TRMT1: variants seen among roughly 807,000 people sequenced by gnomAD.
The protein encoded by TRMT1 is tRNA (guanine(26)-N(2))-dimethyltransferase.
In TRMT1, 63 loss-of-function variants were observed where a neutral mutation model predicts 75.4. That is an observed-to-expected ratio of 0.84 (90% CI 0.68 to 1.03). TRMT1 has a LOEUF of 1.03. Ranked by LOEUF, TRMT1 falls within the 50% of genes least tolerant of loss-of-function variation. The pLI is 0.00. For synonymous variants in TRMT1, 382 were observed against 358.1 expected, an observed-to-expected ratio of 1.07 and a Z score of -0.75; for missense variants, 870 against 905.3, an observed-to-expected ratio of 0.96 and a Z score of 0.50.
rs2018812618 is a variant in TRMT1, at chr19:13,105,394, C to A, written c.1706G>T (p.Gly569Val). ...WGPRPRARPG[G>V]KAADEAMEER... is the part of the protein sequence containing the mutation. ...CTCCATAGCTTCGTCGGCCGCCTTG[C>A]CCCTGTGCGAGGGGAGGAGTAGGTG... The change falls in exon 16 of 17, where the codon GGC becomes GTC. Residue 569 changes from glycine (G) to valine (V), a missense_variant and splice_region_variant. Transcript: ENST00000357720. 1.2e-6 allele frequency: 2 copies of A among 1,613,512 alleles called. No individual in the cohort carries two copies. The highest frequency in any genetic ancestry group is 1.7e-6 in the Non-Finnish European group (2 of 1,179,984).
chr19:13,109,245 A>G, intron 12 of TRMT1, 136 bp downstream of exon 12: 2 of 998,142 alleles, frequency 2.0e-6, no homozygotes, highest in Non-Finnish European at 2.9e-6. Context: ...CTCCCAAGGT[A>G]CTGGGATTAC....
At chr19:13,113,217 G>T (rs1246036503) in intron 5 of TRMT1, among the ~76,000 whole-genome samples, 2 of 152,108 alleles carry the variant, frequency 1.3e-5, no homozygotes, top group Non-Finnish European at 1.5e-5. Context: ...GGAGTGCAGT[G>T]TTGTGATCTC....
rs1394235910 is a variant in TRMT1 at position 13,105,594 on chromosome 19, G to C, written c.1596C>G (p.Asn532Lys). The change falls in exon 15 of 17, where the codon AAC becomes AAG. Residue 532 changes from asparagine (N) to lysine (K), a missense_variant. Asn to Lys is a moderately conservative substitution (Grantham distance 94). Coordinates refer to ENST00000357720, the MANE Select transcript of TRMT1 (RefSeq NM_001136035.4). The stretch of plus-strand genomic sequence containing the variant: ...GGTTGGCATCTTCCCGGATGGTGAA[G>C]TTGGCCTGCAGCCTAGGGAAGCAGG... ...ILSVEPRLQA[N>K]FTIREDANPS... The C allele has an allele frequency of 6.2e-7, 1 of 1,613,616 alleles. No individual in the cohort carries two copies. The highest frequency in any genetic ancestry group is 1.1e-5 in the South Asian group (1 of 91,056).
In TRMT1 at chr19:13,107,793, C is replaced by G; in HGVS notation, c.1464G>C (p.Thr488=). Residue 488 remains threonine, a synonymous_variant, in exon 13 of 17, where the codon ACG becomes ACC. Coordinates refer to ENST00000357720, the MANE Select transcript of TRMT1 (RefSeq NM_001136035.4). ...CCCAGAGGGCAGAGGCAGGGGCATC[C>G]GTCTTCACAGCGTTCTTACAGGCGT... The part of the protein sequence containing the change: ...LSHACKNAVK[T]DAPASALWDI... 1 of 1,552,560 alleles carries G rather than the reference C, an allele frequency of 6.4e-7. No homozygotes were observed. The highest frequency in any genetic ancestry group is 1.2e-5 in the South Asian group (1 of 84,214).
At chr19:13,110,346 C>T in intron 7 of TRMT1, 40 bp from the exon 8 acceptor site, 2 of 1,543,216 alleles carry the variant, frequency 1.3e-6, no homozygotes, top group Non-Finnish European at 1.8e-6. Context: ...CCTCCACTAT[C>T]CACCCACCCC....
At position 13,111,921 on chromosome 19, in the gene TRMT1, A is replaced by C. The variant is rs1471273175; in HGVS notation, c.870+784T>G. ...TCACCATGTTAGCCAGGATGGTCTCAATCTCCTGACCTCATGATCCGCCCA... is the reference window on the plus strand; with the variant it reads ...TCACCATGTTAGCCAGGATGGTCTCCATCTCCTGACCTCATGATCCGCCCA... On this transcript the variant is annotated intron_variant, in intron 7 of 16. Coordinates refer to ENST00000357720, the MANE Select transcript of TRMT1 (RefSeq NM_001136035.4). Among the ~76,000 whole-genome samples the C allele has an allele frequency of 3.4e-5, 5 of 148,664 alleles. No homozygotes were observed. In the South Asian group the frequency reaches 1.1e-3, roughly 32 times the overall value.
intron 12 of TRMT1, among the ~76,000 whole-genome samples, chr19:13,108,821 G>A (rs189738023): frequency 9.3e-4 from 140 of 151,232 alleles, no homozygotes; most frequent in African/African-American, 3.2e-3. Context: ...TTTTGACCAC[G>A]CTGGTCTTGA....
At position 13,109,829 on chromosome 19, in the gene TRMT1, G is replaced by T. The variant is rs1234850787; in HGVS notation, c.1116C>A (p.Phe372Leu). The T allele has an allele frequency of 6.2e-7, 1 of 1,614,042 alleles. No individual in the cohort carries two copies. Among genetic ancestry groups the T allele is most frequent in the African/African-American group, 1.3e-5 (1 of 74,904 alleles). Residue 372 changes from phenylalanine (F) to leucine (L), a missense_variant, in exon 10 of 17, where the codon TTC (phenylalanine) becomes TTA (leucine). By Grantham distance (22) the Phe-to-Leu change is conservative. Transcript: ENST00000357720. ...ASGVPSGRAK[F>L]SAACGPPVTP... Reference sequence around the variant, plus strand: ...TCACAGGGGGACCACAGGCTGCAGAGAACTTGGCCCTAAACAGAGAGGGGT... The same window carrying T: ...TCACAGGGGGACCACAGGCTGCAGATAACTTGGCCCTAAACAGAGAGGGGT...
At chr19:13,116,523 G>A in intron 1 of TRMT1, 92 bp from the exon 2 acceptor site, 1 of 1,351,024 alleles carries the variant, frequency 7.4e-7, no homozygotes. Context: ...GTAGGGACTA[G>A]GAAAACCTGC....
At chr19:13,115,917 G>A (rs1362187428) in intron 3 of TRMT1, 80 bp downstream of exon 3, 1 of 1,611,696 alleles carries the variant, frequency 6.2e-7, no homozygotes, top group African/African-American at 1.3e-5. Flanking sequence ...AGCCCCTCTG[G>A]ATTTGGGCGG....
chr19:13,116,373 G>A lies in TRMT1; in HGVS notation c.27C>T (p.Ser9=). ...GCACCCGGGCGGAGCGGAAAGTGAG[G>A]CTTAGCCACAGAGACGATCCTTGCA... MQGSSLWL[S]LTFRSARVLS... is the part of the protein sequence containing the mutation. Residue 9 remains serine (S), a synonymous_variant, in exon 2 of 17, where the codon AGC becomes AGT. Coordinates refer to ENST00000357720, the MANE Select transcript of TRMT1 (RefSeq NM_001136035.4). 1.2e-6 allele frequency: 2 copies of A among 1,609,672 alleles called. No individual in the cohort carries two copies. The highest frequency in any genetic ancestry group is 2.2e-5 in the South Asian group (2 of 91,028).
intron 14 of TRMT1, among the ~76,000 whole-genome samples, chr19:13,105,923 G>T (rs1029703270): frequency 6.6e-6 from 1 of 152,048 alleles, no homozygotes; most frequent in Non-Finnish European, 1.5e-5. Context: ...TTAGCCAGGC[G>T]TGGTGCCGGG....
rs1308318786 is a variant in TRMT1 at position 13,104,944 on chromosome 19, G to T, written c.1971C>A (p.Gly657=). The T allele has an allele frequency of 6.2e-7, 1 of 1,613,978 alleles. No homozygotes were observed. The highest frequency in any genetic ancestry group is 8.5e-7 in the Non-Finnish European group (1 of 1,179,938). Residue 657 remains glycine (G), a synonymous_variant, in exon 17 of 17, where the codon GGC becomes GGA. Coordinates refer to ENST00000357720, the MANE Select transcript of TRMT1 (RefSeq NM_001136035.4). ...ACATCTCTTTATTGGTTCAGTCTAT[G>T]CCTGGCCCAGCGGCAGCCCCAGGTC... ...PPGPGAAAGP[G]ID
chr19:13,116,210 T>G lies in TRMT1; in HGVS notation c.190A>C (p.Ile64Leu), dbSNP rs1347173651. 1.2e-6 allele frequency: 2 copies of G among 1,614,156 alleles called. No homozygotes were observed. The highest frequency in any genetic ancestry group is 3.3e-5 in the Admixed American group (2 of 60,018). ...ACCTCGTTGGCACTGGGAAAGGCGATTTTGGCAGCCCCCTCGGTGACTGTC... is the reference window on the plus strand; with the variant it reads ...ACCTCGTTGGCACTGGGAAAGGCGAGTTTGGCAGCCCCCTCGGTGACTGTC... ...ETTVTEGAAK[I>L]AFPSANEVFY... The change falls in exon 2 of 17, where the codon ATC becomes CTC. Residue 64 changes from isoleucine (I) to leucine (L), a missense_variant. By Grantham distance (5) the Ile-to-Leu change is conservative. Transcript: ENST00000357720.
chr19:13,106,005 T>G (rs1016735025), intron 14 of TRMT1, among the ~76,000 whole-genome samples: 4 of 151,890 alleles, frequency 2.6e-5, no homozygotes, highest in Non-Finnish European at 4.4e-5. Flanking sequence ...GAGGTTGCAG[T>G]GAGCTGAAAT....
chr19:13,111,349 G>A (rs184842358), intron 7 of TRMT1, among the ~76,000 whole-genome samples: 104 of 151,174 alleles, frequency 6.9e-4, no homozygotes, highest in Non-Finnish European at 1.1e-3. Context: ...CAGCCTTCTT[G>A]AATCCTGATC....
In TRMT1 at chr19:13,107,853, G is replaced by A. The variant is rs183961432; in HGVS notation, c.1404C>T (p.Ala468=). The A allele has an allele frequency of 5.9e-4, 916 of 1,551,558 alleles. 14 individuals carry two copies. In the Admixed American group the frequency reaches 0.017, roughly 28 times the overall value. Residue 468 remains alanine, a synonymous_variant, in exon 13 of 17, where the codon GCC becomes GCT. Transcript: ENST00000357720. ...NTPSLLQLRS[A]LLHADFRVSL... Reference sequence around the variant, plus strand: ...AGACCCGGAAGTCAGCGTGGAGGAGGGCCGACCTGGGGAACAGCAGGGATT... The same window carrying A: ...AGACCCGGAAGTCAGCGTGGAGGAGAGCCGACCTGGGGAACAGCAGGGATT...
Position 13,112,798 on chromosome 19 carries a change from G to A in TRMT1, c.777C>T (p.Cys259=). The A allele has an allele frequency of 6.2e-7, 1 of 1,614,128 alleles. No homozygotes were observed. The highest frequency in any genetic ancestry group is 1.6e-4 in the Middle Eastern group (1 of 6,062). Residue 259 remains cysteine (C), a synonymous_variant, in exon 7 of 17, where the codon TGC becomes TGT. Transcript: ENST00000357720. ...TCCCCGCCAACACCGCCATGTCTGT[G>A]CAGGTCACACACAGCAACCCTGCAG... ...VSEGGLLCVT[C]TDMAVLAGNS... is the part of the protein sequence containing the mutation.
In TRMT1 at chr19:13,105,078, T is replaced by G. The variant is rs778646912; in HGVS notation, c.1837A>C (p.Thr613Pro). 9 of 1,583,730 alleles carry G rather than the reference T, an allele frequency of 5.7e-6. No homozygotes were observed. Among genetic ancestry groups the G allele is most frequent in the African/African-American group, 1.3e-5 (1 of 74,386 alleles). ...CAGCACTGGTCCCCGCGTTGACAGG[T>G]GCCCTGGTGGGAAGATGGTGGGTGT... The part of the protein sequence containing the change: ...TFPCKRFKEG[T>P]CQRGDQCCYS... Residue 613 changes from threonine (T) to proline (P), a missense_variant, in exon 17 of 17, where the codon ACC becomes CCC. Thr to Pro is a conservative substitution (Grantham distance 38). Transcript: ENST00000357720.
Sources: gnomAD v4.1 joint callset for allele counts (sites outside exome capture counted in the v4.1 genomes callset) on GRCh38, gnomAD v4.1.1 for gene constraint, MANE v1.5 for transcripts, NCBI Gene and HGNC (gene_info 2026-07-23, HGNC 2026-07-21) for gene names.